The following SPHK2 variants were observed in gnomAD, a reference collection of about 807,000 sequenced individuals.
The protein encoded by SPHK2 is sphingosine kinase 2.
Under a neutral mutation model 32.3 loss-of-function variants are expected in SPHK2, and 18 were observed. That is an observed-to-expected ratio of 0.56 (90% CI 0.39 to 0.83). The LOEUF is 0.83. Among genes scored for constraint, SPHK2 ranks in the 40% least tolerant of loss-of-function variants. The pLI is 0.00. For missense variants in SPHK2, 850 were observed against 908.7 expected, an observed-to-expected ratio of 0.94 and a Z score of 0.83; for synonymous variants, 462 against 417.6, an observed-to-expected ratio of 1.11 and a Z score of -1.30.
At position 48,628,884 on chromosome 19, in the gene SPHK2, C is replaced by T. The variant is rs1323162709; in HGVS notation, c.1076C>T (p.Thr359Ile). The change falls in exon 7 of 7, where the codon ACA (threonine) becomes ATA (isoleucine). Residue 359 changes from threonine (T) to isoleucine (I), a missense_variant. Physicochemically the swap from Thr to Ile is moderately conservative, Grantham distance 89 (BLOSUM62 -1). Around this residue, in one of 2 missense-constraint regions of SPHK2, gnomAD observed 544 missense variants for 640.0 expected, o/e 0.85. Coordinates refer to ENST00000245222, the MANE Select transcript of SPHK2 (RefSeq NM_020126.5). The surrounding 1 kb of genome is among the most constrained non-coding windows in gnomAD (Gnocchi z 5.2). ...RFRALGSARFTLGTVLGLATL... is the reference protein window; with the variant it reads ...RFRALGSARFILGTVLGLATL... ...AGGGCCTTGGGCAGTGCCCGCTTCA[C>T]ACTGGGCACGGTGCTGGGCCTCGCC... 3 of 1,613,726 alleles carry T rather than the reference C, an allele frequency of 1.9e-6. No individual in the cohort carries two copies. The highest frequency in any genetic ancestry group is 2.5e-6 in the Non-Finnish European group (3 of 1,180,018).
At position 48,629,504 on chromosome 19, in the gene SPHK2, G is replaced by A; in HGVS notation, c.1696G>A (p.Val566Met). The change falls in exon 7 of 7, where the codon GTG becomes ATG. Residue 566 changes from valine (V) to methionine (M), a missense_variant. Coordinates refer to ENST00000245222, the MANE Select transcript of SPHK2 (RefSeq NM_020126.5). ...APHARFDDGL[V>M]HLCWVRSGIS... ...GCATGCGCGCTTCGACGACGGCCTG[G>A]TGCACCTGTGCTGGGTGCGTAGCGG... 1 of 1,607,270 alleles carries A rather than the reference G, an allele frequency of 6.2e-7. No homozygotes were observed.
chr19:48,625,497 C>A, intron 2 of SPHK2: 1 of 1,222,384 alleles, frequency 8.2e-7, no homozygotes, highest in Non-Finnish European at 1.0e-6. Flanking sequence ...CCTTCTTTTC[C>A]CCCAAAGCCC....
chr19:48,623,585 C>T (rs1479733366), intron 2 of SPHK2, among the ~76,000 whole-genome samples: 1 of 152,170 alleles, frequency 6.6e-6, no homozygotes, highest in African/African-American at 2.4e-5. Flanking sequence ...AATATTCTCT[C>T]CCTCCCTCAC....
chr19:48,626,261 C>T lies in SPHK2; in HGVS notation c.410C>T (p.Ala137Val). The T allele has an allele frequency of 6.3e-7, 1 of 1,594,326 alleles. No homozygotes were observed. The highest frequency in any genetic ancestry group is 1.7e-4 in the Middle Eastern group (1 of 6,052). ...ARRRATRTFR[A>V]DGAATYEENR... ...CGCAGAGCCACTCGCACCTTCCGGGCAGATGGGGCCGCCACCTACGAAGAG... is the reference window on the plus strand; with the variant it reads ...CGCAGAGCCACTCGCACCTTCCGGGTAGATGGGGCCGCCACCTACGAAGAG... Residue 137 changes from alanine (A) to valine (V), a missense_variant, in exon 3 of 7, where the codon GCA becomes GTA. Transcript: ENST00000245222.
In SPHK2 at chr19:48,628,267, C is replaced by A; in HGVS notation, c.862C>A (p.Gln288Lys). ...CAACGCGCTGGCCGGAGCAGTGAACCAGCACGGGGGGTAGGTTGAGGATAC... is the reference window on the plus strand; with the variant it reads ...CAACGCGCTGGCCGGAGCAGTGAACAAGCACGGGGGGTAGGTTGAGGATAC... ...SGNALAGAVN[Q>K]HGGFEPALGL... Residue 288 changes from glutamine to lysine, a missense_variant, in exon 6 of 7, where the codon CAG (glutamine) becomes AAG (lysine). Around this residue, in one of 2 missense-constraint regions of SPHK2, gnomAD observed 544 missense variants for 640.0 expected, o/e 0.85. Coordinates refer to ENST00000245222, the MANE Select transcript of SPHK2 (RefSeq NM_020126.5). This position sits in a 1 kb window ranked among gnomAD's most constrained non-coding sequence, Gnocchi z 5.2. The A allele has an allele frequency of 6.2e-7, 1 of 1,613,346 alleles. No homozygotes were observed.
At chr19:48,622,359 C>G (rs1383810997) in intron 2 of SPHK2, among the ~76,000 whole-genome samples, 1 of 151,974 alleles carries the variant, frequency 6.6e-6, no homozygotes, top group Non-Finnish European at 1.5e-5. Flanking sequence ...CTTACACATT[C>G]TTTAATTTCT....
Position 48,629,276 on chromosome 19 carries a change from G to A in SPHK2, c.1468G>A (p.Ala490Thr). 6.2e-7 allele frequency: 1 copy of A among 1,613,562 alleles called. No homozygotes were observed. The highest frequency in any genetic ancestry group is 8.5e-7 in the Non-Finnish European group (1 of 1,179,960). Reference protein sequence around the residue: ...AALHSPVSEGAPVIPPSSGLP... With the variant: ...AALHSPVSEGTPVIPPSSGLP... ...TCTACACTCACCCGTCTCCGAAGGG[G>A]CCCCCGTAATTCCCCCATCCTCTGG... Residue 490 changes from alanine (A) to threonine (T), a missense_variant, in exon 7 of 7, where the codon GCC becomes ACC. Coordinates refer to ENST00000245222, the MANE Select transcript of SPHK2 (RefSeq NM_020126.5).
chr19:48,625,321 CAG>C (rs1199019804), intron 2 of SPHK2: 1 of 1,123,306 alleles, frequency 8.9e-7, no homozygotes, highest in Non-Finnish European at 1.1e-6. Flanking sequence ...TGTCTCCTCT[CAG>C]TGTTTCTCTG....
At position 48,629,119 on chromosome 19, in the gene SPHK2, G is replaced by T. The variant is rs114581332; in HGVS notation, c.1311G>T (p.Ser437=). Residue 437 remains serine, a synonymous_variant, in exon 7 of 7, where the codon TCG becomes TCT. Coordinates refer to ENST00000245222, the MANE Select transcript of SPHK2 (RefSeq NM_020126.5). ...LPQPALASPG[S]PEPLPILSLN... ...AGCCTGCCCTGGCCTCTCCTGGCTC[G>T]CCAGAACCCCTGCCCATCCTGTCCC... The T allele has an allele frequency of 6.2e-7, 1 of 1,613,272 alleles. No homozygotes were observed. Among genetic ancestry groups the T allele is most frequent in the South Asian group, 1.1e-5 (1 of 91,084 alleles).
intron 2 of SPHK2, among the ~76,000 whole-genome samples, chr19:48,622,273 TAAAAA>T (rs796524993): frequency 3.1e-5 from 3 of 97,706 alleles, no homozygotes; most frequent in African/African-American, 1.7e-4. Flanking sequence ...AAAAAAAAAA[TAAAAA>T]AAAATAAAGG....
In SPHK2 at chr19:48,625,927, G is replaced by A. The variant is rs150682825; in HGVS notation, c.76G>A (p.Gly26Arg). 73 of 1,611,532 alleles carry A rather than the reference G, an allele frequency of 4.5e-5. No individual in the cohort carries two copies. The highest frequency in any genetic ancestry group is 4.2e-4 in the East Asian group (19 of 44,858). ...DQELTGSWGHGPRSTLVRAKA... is the reference protein window; with the variant it reads ...DQELTGSWGHRPRSTLVRAKA... ...GGAGCTGACCGGGAGCTGGGGCCACGGGCCTAGGAGCACCCTGGTCAGGGC... is the reference window on the plus strand; with the variant it reads ...GGAGCTGACCGGGAGCTGGGGCCACAGGCCTAGGAGCACCCTGGTCAGGGC... Residue 26 changes from glycine to arginine, a missense_variant, in exon 3 of 7, where the codon GGG becomes AGG. By Grantham distance (125) the Gly-to-Arg change is moderately radical. Coordinates refer to ENST00000245222, the MANE Select transcript of SPHK2 (RefSeq NM_020126.5).
chr19:48,620,358 C>CA (rs1974354067), intron 1 of SPHK2, 44 bp from the exon 2 acceptor site: 2 of 575,132 alleles, frequency 3.5e-6, no homozygotes, highest in African/African-American at 3.8e-5. Flanking sequence ...GGGCCTCCTG[C>CA]AGTTGGCTGT....
chr19:48,629,204 T>C lies in SPHK2; in HGVS notation c.1396T>C (p.Ser466Pro). ...GGGTGGGGCTGGGGATGCTCCGCTG[T>C]CCCCGGACCCACTGCTGTCTTCACC... is the stretch of plus-strand genomic sequence containing the variant. ...DWGGAGDAPL[S>P]PDPLLSSPPG... Residue 466 changes from serine (S) to proline (P), a missense_variant, in exon 7 of 7, where the codon TCC (serine) becomes CCC (proline). Ser to Pro is a moderately conservative substitution (Grantham distance 74). Around this residue, in one of 2 missense-constraint regions of SPHK2, gnomAD observed 306 missense variants for 268.6 expected, o/e 1.14. Transcript: ENST00000245222. 2.5e-6 allele frequency: 4 copies of C among 1,613,474 alleles called. No homozygotes were observed. The highest frequency in any genetic ancestry group is 2.2e-5 in the South Asian group (2 of 91,084).
intron 3 of SPHK2, 49 bp from the exon 4 acceptor site, chr19:48,627,643 T>G: frequency 6.6e-7 from 1 of 1,519,244 alleles, no homozygotes; most frequent in South Asian, 1.3e-5. Context: ...GTTTCCAAGG[T>G]GGGGGGCCTG....
chr19:48,625,804 T>G, intron 2 of SPHK2, 87 bp from the exon 3 acceptor site: 1 of 1,544,414 alleles, frequency 6.5e-7, no homozygotes, highest in Non-Finnish European at 8.7e-7. Flanking sequence ...TGCCCCTCAT[T>G]GTCTCCTCCT....
At chr19:48,626,574 G>A (rs888332007) in intron 3 of SPHK2, 14 of 591,108 alleles carry the variant, frequency 2.4e-5, no homozygotes, top group Non-Finnish European at 3.8e-5. Flanking sequence ...TAGCAATTTG[G>A]GAGGCTGAGG....
In SPHK2 at chr19:48,629,947, C is replaced by CCCG; in HGVS notation, c.*174_*175insCCG. 3 of 1,417,026 alleles carry CCCG rather than the reference C, an allele frequency of 2.1e-6. No homozygotes were observed. Among genetic ancestry groups the CCCG allele is most frequent in the Non-Finnish European group, 2.8e-6 (3 of 1,089,486 alleles). The allele number at this position is 1,417,026 out of a possible 1,614,324, so 87.8% of individuals were successfully genotyped here. A position where few individuals can be genotyped will look rare whatever the true frequency, so the allele number is the denominator to read the frequency against. ...CGTGATGCTGGAAGGTGGGCGTCGT[C>CCCG]ACGGTTAAAGAGAAATGGGCTCGTC... On this transcript the variant is annotated 3_prime_UTR_variant, in exon 7 of 7. Coordinates refer to ENST00000245222, the MANE Select transcript of SPHK2 (RefSeq NM_020126.5).
At chr19:48,625,530 T>C in intron 2 of SPHK2, 1 of 1,258,604 alleles carries the variant, frequency 7.9e-7, no homozygotes, top group South Asian at 1.5e-5. Context: ...CAACCACCTG[T>C]ATATTTCAAT....
At position 48,620,441 on chromosome 19, in the gene SPHK2, G is replaced by A; in HGVS notation, c.-74G>A. 1 of 1,390,122 alleles carries A rather than the reference G, an allele frequency of 7.2e-7. No individual in the cohort carries two copies. Among genetic ancestry groups the A allele is most frequent in the East Asian group, 2.4e-5 (1 of 42,134 alleles). 86.1% of individuals were successfully genotyped at this position (1,390,122 alleles called of 1,614,324 possible). On this transcript the variant is annotated 5_prime_UTR_variant, in exon 2 of 7. Coordinates refer to ENST00000245222, the MANE Select transcript of SPHK2 (RefSeq NM_020126.5). ...CCAGGACAGTGAGACCTGACTCCTT[G>A]CTCCTACCAGCCTACTATGGCTTAA...
Sources: allele counts gnomAD v4.1 joint callset (sites outside exome capture counted in the v4.1 genomes callset), GRCh38; gene constraint gnomAD v4.1.1; regional missense constraint gnomAD v4.1.1; non-coding constraint Gnocchi (gnomAD v3.1); transcripts MANE v1.5; gene names NCBI Gene and HGNC (gene_info 2026-07-23, HGNC 2026-07-21).